Variants in INTS14 observed in about 807,000 individuals in gnomAD.
INTS14 encodes the protein integrator complex subunit 14.
In INTS14, 27 loss-of-function variants were observed where a neutral mutation model predicts 56.9. That is an observed-to-expected ratio of 0.47 (90% CI 0.35 to 0.65). The LOEUF is 0.65. INTS14 is among the 30% of genes least tolerant of loss of function. INTS14 has a pLI of 0.00. For synonymous variants in INTS14, 207 were observed against 236.2 expected (o/e 0.88, Z 1.13); for missense variants, 517 against 632.2 (o/e 0.82, Z 1.95).
In INTS14 at chr15:65,605,479, A is replaced by G. The variant is rs190730029; in HGVS notation, c.223-243T>C. Among the ~76,000 whole-genome samples the G allele has an allele frequency of 1.1e-3, 174 of 152,364 alleles. 1 individual carries two copies. Among genetic ancestry groups the G allele is most frequent in the African/African-American group, 4.0e-3 (166 of 41,588 alleles). ...AGAGTGAACAGTCCACCAAGTTTAC[A>G]TTTTTGTTAAGTGGACTTTGAAGGA... On this transcript the variant is annotated intron_variant, in intron 2 of 11. Coordinates refer to ENST00000313182, the MANE Select transcript of INTS14 (RefSeq NM_001394796.1).
At chr15:65,584,060 A>T (rs2072729216) in intron 10 of INTS14, among the ~76,000 whole-genome samples, 1 of 152,246 alleles carries the variant, frequency 6.6e-6, no homozygotes, top group South Asian at 2.1e-4. Flanking sequence ...AGTTTCAATA[A>T]GTGATTTTTA....
intron 1 of INTS14, among the ~76,000 whole-genome samples, chr15:65,608,912 G>C (rs1372169148): frequency 6.6e-6 from 1 of 152,010 alleles, no homozygotes; most frequent in Non-Finnish European, 1.5e-5. Flanking sequence ...TTTTGTTTTT[G>C]AGACGGAGTC....
rs959181567 is a variant in INTS14, at chr15:65,593,669, G to C, written c.842-97C>G. On this transcript the variant is annotated intron_variant, in intron 7 of 11. Coordinates refer to ENST00000313182, the MANE Select transcript of INTS14 (RefSeq NM_001394796.1). ...GGATGTTTCTAGCCTTTAAGGGATA[G>C]TGTAGAGTTCTAAGGGAATATTATA... 10 of 1,405,560 alleles carry C rather than the reference G, an allele frequency of 7.1e-6. No individual in the cohort carries two copies. In the African/African-American group the frequency reaches 1.2e-4, roughly 16 times the overall value. 87.1% of individuals were successfully genotyped at this position (1,405,560 alleles called of 1,614,324 possible).
rs373974334 is a variant in INTS14, at chr15:65,611,002, G to C, written c.-63+96C>G. 1.6e-5 allele frequency: 24 copies of C among 1,510,352 alleles called. No individual in the cohort carries two copies. In the Admixed American group the frequency reaches 2.1e-4, roughly 13 times the overall value. 93.6% of individuals were successfully genotyped at this position (1,510,352 alleles called of 1,614,324 possible). ...GCCGCCACGGTGGCGGGAAGGCCAAGCGCTGGCCCTGGGTTGTTCTTCACC... is the reference window on the plus strand; with the variant it reads ...GCCGCCACGGTGGCGGGAAGGCCAACCGCTGGCCCTGGGTTGTTCTTCACC... On this transcript the variant is annotated intron_variant, in intron 1 of 11. Transcript: ENST00000313182.
At chr15:65,608,258 G>A (rs1462786935) in intron 1 of INTS14, among the ~76,000 whole-genome samples, 1 of 151,030 alleles carries the variant, frequency 6.6e-6, no homozygotes, top group African/African-American at 2.4e-5. Flanking sequence ...TTGGGAGGCT[G>A]AGGCACGAAG....
intron 11 of INTS14, 89 bp downstream of exon 11, chr15:65,581,865 C>T (rs1052843326): frequency 1.2e-4 from 160 of 1,346,240 alleles, no homozygotes; most frequent in Non-Finnish European, 1.5e-4. Context: ...TCATACATCT[C>T]TAACCCCTGC....
intron 2 of INTS14, among the ~76,000 whole-genome samples, chr15:65,605,598 A>G (rs1393013504): frequency 6.6e-6 from 1 of 152,362 alleles, no homozygotes; most frequent in Non-Finnish European, 1.5e-5. Context: ...AGGCACTTTT[A>G]TGCATTTAGC....
At chr15:65,599,351 C>T (rs2073343210) in intron 4 of INTS14, 1 of 190,966 alleles carries the variant, frequency 5.2e-6, no homozygotes, top group African/African-American at 2.3e-5. Context: ...AAGGTTAAAT[C>T]ACCTTCCCAA....
chr15:65,595,725 G>A lies in INTS14; in HGVS notation c.841+8C>T. 2 of 1,595,542 alleles carry A rather than the reference G, an allele frequency of 1.3e-6. No homozygotes were observed. The stretch of plus-strand genomic sequence containing the variant: ...CGCTTCAGACGTATCAGTGGAATAG[G>A]AACTCACCTTTGTTAAGTGCTATAG... On this transcript the variant is annotated splice_region_variant and intron_variant, in intron 7 of 11. Coordinates refer to ENST00000313182, the MANE Select transcript of INTS14 (RefSeq NM_001394796.1).
chr15:65,606,656 T>C (rs1488555995), intron 2 of INTS14, among the ~76,000 whole-genome samples: 2 of 152,170 alleles, frequency 1.3e-5, no homozygotes, highest in Non-Finnish European at 2.9e-5. Flanking sequence ...AGAAAGTAAA[T>C]TCTAACATAA....
intron 1 of INTS14, among the ~76,000 whole-genome samples, chr15:65,608,350 C>T (rs745924580): frequency 2.5e-5 from 3 of 121,020 alleles, no homozygotes; most frequent in Non-Finnish European, 4.7e-5. Flanking sequence ...GGGTGACAGA[C>T]GAAGGCTCCA....
intron 9 of INTS14, among the ~76,000 whole-genome samples, chr15:65,585,499 A>T (rs937755867): frequency 5.9e-5 from 9 of 152,212 alleles, no homozygotes; most frequent in African/African-American, 2.2e-4. Context: ...GACAAGAAAT[A>T]CTTTTATTGG....
chr15:65,580,479 T>G (rs1434436598), intron 11 of INTS14, among the ~76,000 whole-genome samples: 1 of 146,660 alleles, frequency 6.8e-6, no homozygotes, highest in Non-Finnish European at 1.5e-5. Flanking sequence ...GCAGGGAGGA[T>G]GGACTGTGTG....
intron 1 of INTS14, among the ~76,000 whole-genome samples, chr15:65,608,937 G>GC (rs1287225209): frequency 1.3e-5 from 2 of 152,054 alleles, no homozygotes; most frequent in Non-Finnish European, 2.9e-5. Flanking sequence ...GACATCTGTC[G>GC]CCCAGGCTGG....
chr15:65,591,771 C>T, intron 8 of INTS14, 40 bp from the exon 9 acceptor site: 1 of 1,603,636 alleles, frequency 6.2e-7, no homozygotes, highest in Non-Finnish European at 8.5e-7. Context: ...GAACATCAAG[C>T]CTGAGACTGT....
intron 3 of INTS14, among the ~76,000 whole-genome samples, 141 bp downstream of exon 3, chr15:65,604,975 GTTGATTTAGTACC>G (rs2073591996): frequency 6.6e-6 from 1 of 152,178 alleles, no homozygotes; most frequent in Non-Finnish European, 1.5e-5. Context: ...ACACATTAGT[GTTGATTTAGTACC>G]TTCACTTAAG....
In INTS14 at chr15:65,609,654, CA is replaced by C. The variant is rs562783682; in HGVS notation, c.-63+1443del. ...ATGTTAACTCTGGACACCAGAAACA[CA>C]TTTCCTCTTCTCCTCATTCAAGCAG... On this transcript the variant is annotated intron_variant, in intron 1 of 11. Transcript: ENST00000313182. Among the ~76,000 whole-genome samples the C allele has an allele frequency of 1.0e-3, 159 of 152,276 alleles. No individual in the cohort carries two copies. In the Middle Eastern group the frequency reaches 0.02, roughly 20 times the overall value.
chr15:65,592,287 A>G (rs185004549), intron 8 of INTS14, among the ~76,000 whole-genome samples: 26 of 152,358 alleles, frequency 1.7e-4, no homozygotes, highest in Non-Finnish European at 3.1e-4. Context: ...AGCTAATTTT[A>G]ACTGTAGCAG....
chr15:65,598,855 TC>T lies in INTS14; in HGVS notation c.605+16del. On this transcript the variant is annotated intron_variant, in intron 5 of 11. Transcript: ENST00000313182. ...TGGATTGTAAAGAAGGCAAAAGAGCTCTAAGCATATACTCACCCAAACATAG... is the reference window on the plus strand; with the variant it reads ...TGGATTGTAAAGAAGGCAAAAGAGCTTAAGCATATACTCACCCAAACATAG... 2.5e-6 allele frequency: 4 copies of T among 1,577,110 alleles called. No homozygotes were observed. The highest frequency in any genetic ancestry group is 3.5e-6 in the Non-Finnish European group (4 of 1,151,052).
Sources: gnomAD v4.1 joint callset for allele counts (sites outside exome capture counted in the v4.1 genomes callset) on GRCh38, gnomAD v4.1.1 for gene constraint, MANE v1.5 for transcripts, NCBI Gene and HGNC (gene_info 2026-07-23, HGNC 2026-07-21) for gene names.